Variants in UVSSA observed in about 807,000 individuals in gnomAD.
The protein encoded by UVSSA is UV-stimulated scaffold protein A.
A neutral mutation model predicts 73.9 loss-of-function variants in UVSSA; 72 were observed. That is an observed-to-expected ratio of 0.97 (90% CI 0.81 to 1.19). The LOEUF (loss-of-function observed/expected upper bound fraction) is 1.19, where lower values mean the gene tolerates loss of function less well. Among genes scored for constraint, UVSSA ranks in the 50% most tolerant of loss-of-function variants. The pLI is 0.00. For synonymous variants in UVSSA, 454 were observed against 391.3 expected, an observed-to-expected ratio of 1.16 and a Z score of -1.89; for missense variants, 1,150 against 965.0, an observed-to-expected ratio of 1.19 and a Z score of -2.54.
chr4:1,356,412 C>A (rs1715769608), intron 7 of UVSSA, among the ~76,000 whole-genome samples: 1 of 152,192 alleles, frequency 6.6e-6, no homozygotes, highest in Non-Finnish European at 1.5e-5. Flanking sequence ...TGCTTTTCTC[C>A]TTTAAGTCCG....
In UVSSA at chr4:1,349,598, GTC is replaced by G. The variant is rs746865175; in HGVS notation, c.178_179del (p.Ala61LeufsTer61). ...CTGACCCAGGAGCACGCCGAGATCC[GTC>G]TCTCAGCCTTCCAGATTGTGGAGGA... On this transcript the variant is annotated frameshift_variant, in exon 3 of 14. Transcript: ENST00000389851. LOFTEE classifies it high-confidence loss of function. 1.2e-6 allele frequency: 2 copies of G among 1,614,158 alleles called. No homozygotes were observed. Among genetic ancestry groups the G allele is most frequent in the South Asian group, 2.2e-5 (2 of 91,086 alleles).
intron 12 of UVSSA, among the ~76,000 whole-genome samples, chr4:1,381,714 G>T (rs1719525064): frequency 6.7e-6 from 1 of 149,042 alleles, no homozygotes; most frequent in African/African-American, 2.5e-5. Flanking sequence ...TTGAAGCAGG[G>T]TCTCTCTCTG....
intron 10 of UVSSA, 49 bp downstream of exon 10, chr4:1,376,217 C>T: frequency 1.3e-6 from 2 of 1,553,288 alleles, no homozygotes; most frequent in Non-Finnish European, 1.7e-6. Context: ...ACCAGGGTCC[C>T]AGCCTGAGGA....
At chr4:1,350,328 G>T (rs1441625967) in intron 3 of UVSSA, among the ~76,000 whole-genome samples, 1 of 152,012 alleles carries the variant, frequency 6.6e-6, no homozygotes, top group South Asian at 2.1e-4. Context: ...CAGCCTCATT[G>T]CCCAGACCCT....
At chr4:1,348,555 C>T (rs1005438739) in intron 2 of UVSSA, among the ~76,000 whole-genome samples, 4 of 152,212 alleles carry the variant, frequency 2.6e-5, no homozygotes, top group Non-Finnish European at 4.4e-5. Context: ...CGAGTTGGTC[C>T]ATCGCCTTTA....
intron 7 of UVSSA, among the ~76,000 whole-genome samples, chr4:1,363,243 T>TA (rs944663387): frequency 1.3e-5 from 2 of 152,066 alleles, no homozygotes; most frequent in African/African-American, 4.8e-5. Flanking sequence ...TGGCCGCTGT[T>TA]ACGGAGGGAG....
intron 8 of UVSSA, among the ~76,000 whole-genome samples, chr4:1,373,763 C>T (rs1031418864): frequency 2.0e-5 from 3 of 152,200 alleles, no homozygotes; most frequent in Admixed American, 6.5e-5. Flanking sequence ...CCACACCCCT[C>T]AGAGCTCTTA....
Position 1,380,202 on chromosome 4 carries a change from G to C in UVSSA, c.1724G>C (p.Arg575Pro). ...HWCRAPRPDG[R>P]LCERQDRLKC... ...TGCCGTGCCCCGAGGCCAGACGGCC[G>C]GCTCTGTGAGCGCCAAGACCGGCTG... Residue 575 changes from arginine (R) to proline (P), a missense_variant, in exon 11 of 14, where the codon CGG becomes CCG. Physicochemically the swap from Arg to Pro is moderately radical, Grantham distance 103 (BLOSUM62 -2). Transcript: ENST00000389851. 8 of 1,612,488 alleles carry C rather than the reference G, an allele frequency of 5.0e-6. No individual in the cohort carries two copies. The highest frequency in any genetic ancestry group is 5.9e-6 in the Non-Finnish European group (7 of 1,179,770).
chr4:1,388,096 C>T (rs1239520038), downstream of UVSSA: 5 of 152,060 alleles, frequency 3.3e-5, no homozygotes, highest in Admixed American at 2.0e-4. Flanking sequence ...AAATTTATTT[C>T]AACAGTATTT....
At position 1,352,194 on chromosome 4, in the gene UVSSA, A is replaced by G. The variant is rs71606317; in HGVS notation, c.550+359A>G. 6.2e-3 allele frequency among the ~76,000 whole-genome samples: 947 copies of G among 152,192 alleles called. 3 individuals carry two copies. The highest frequency in any genetic ancestry group is 8.9e-3 in the Non-Finnish European group (606 of 67,990). Reference sequence around the variant, plus strand: ...CTTGCCCTTGCCAGCCCCTTCCCCAAAACTTCACTGTTTGCTTCTCGGCAG... The same window carrying G: ...CTTGCCCTTGCCAGCCCCTTCCCCAGAACTTCACTGTTTGCTTCTCGGCAG... On this transcript the variant is annotated intron_variant, in intron 4 of 13. Transcript: ENST00000389851.
intron 10 of UVSSA, among the ~76,000 whole-genome samples, chr4:1,377,549 G>C (rs1718925547): frequency 6.6e-6 from 1 of 152,094 alleles, no homozygotes; most frequent in Non-Finnish European, 1.5e-5. Flanking sequence ...GCCAGTGCTT[G>C]GTTTCTGAGC....
At chr4:1,393,343 T>C (rs945946556) in exon 14 of UVSSA, 1 of 152,266 alleles carries the variant, frequency 6.6e-6, no homozygotes, top group Admixed American at 6.5e-5. Context: ...ACTTTAATTC[T>C]GTAGACACAG....
At chr4:1,378,515 C>T (rs531547253) in intron 10 of UVSSA, among the ~76,000 whole-genome samples, 1 of 152,322 alleles carries the variant, frequency 6.6e-6, no homozygotes, top group South Asian at 2.1e-4. Flanking sequence ...CGCACCATCA[C>T]ACTCCAGCCT....
intron 7 of UVSSA, among the ~76,000 whole-genome samples, chr4:1,359,989 A>G (rs1716384793): frequency 6.6e-6 from 1 of 152,238 alleles, no homozygotes; most frequent in Non-Finnish European, 1.5e-5. Context: ...AAAGGGACAG[A>G]AACTGAAAAC....
chr4:1,380,687 A>G, intron 11 of UVSSA, 193 bp from the exon 12 acceptor site: 1 of 1,540,476 alleles, frequency 6.5e-7, no homozygotes, highest in Non-Finnish European at 8.8e-7. Context: ...GGAGGGACGG[A>G]GCCATCCCCA....
chr4:1,374,283 C>T (rs914875176), intron 8 of UVSSA, among the ~76,000 whole-genome samples: 1 of 152,206 alleles, frequency 6.6e-6, no homozygotes, highest in African/African-American at 2.4e-5. Flanking sequence ...TGTCCTAACC[C>T]ATAGCCTACC....
At chr4:1,349,175 G>T (rs1714262935) in intron 2 of UVSSA, among the ~76,000 whole-genome samples, 1 of 152,224 alleles carries the variant, frequency 6.6e-6, no homozygotes, top group African/African-American at 2.4e-5. Flanking sequence ...CCTCAGTTGT[G>T]AACACAGCTG....
At chr4:1,391,017 G>A (rs2109333165), downstream of UVSSA, 1 of 152,900 alleles carries the variant, frequency 6.5e-6, no homozygotes, top group Non-Finnish European at 1.5e-5. Flanking sequence ...GTGTTGCATA[G>A]AAGCCTGTTG....
chr4:1,346,534 G>C (rs551253409), upstream of UVSSA, among the ~76,000 whole-genome samples: 1 of 152,140 alleles, frequency 6.6e-6, no homozygotes, highest in South Asian at 2.1e-4. Flanking sequence ...GGGCCAGCCC[G>C]GGCCCAGGGG....
Sources: gnomAD v4.1 joint callset for allele counts (sites outside exome capture counted in the v4.1 genomes callset) on GRCh38, gnomAD v4.1.1 for gene constraint, MANE v1.5 for transcripts, NCBI Gene and HGNC (gene_info 2026-07-23, HGNC 2026-07-21) for gene names.